The following LAMC3 variants were observed in gnomAD, a reference collection of about 807,000 sequenced individuals.
LAMC3 encodes the protein laminin subunit gamma-3.
In LAMC3, 128 loss-of-function variants were observed where a neutral mutation model predicts 173.8. The observed-to-expected ratio is 0.74, with a 90% CI of 0.64 to 0.85. The LOEUF (loss-of-function observed/expected upper bound fraction) is 0.85. Among genes scored for constraint, LAMC3 ranks in the 40% least tolerant of loss-of-function variants. LAMC3 has a pLI of 0.00. For synonymous variants in LAMC3, 897 were observed against 909.1 expected (o/e 0.99, Z 0.24); for missense variants, 2,022 against 2,156.0 (o/e 0.94, Z 1.23).
In LAMC3 at chr9:131,009,708, G is replaced by C. The variant is rs1833377557; in HGVS notation, c.373+121G>C. 1 of 1,209,008 alleles carries C rather than the reference G, an allele frequency of 8.3e-7. No individual in the cohort carries two copies. The highest frequency in any genetic ancestry group is 1.2e-6 in the Non-Finnish European group (1 of 866,388). The allele number at this position is 1,209,008 out of a possible 1,614,324, so 74.9% of individuals were successfully genotyped here. The stretch of plus-strand genomic sequence containing the variant: ...GCTGCAGGACCCAGATATGGTGTTG[G>C]ATGGAGGGGCTCAGAAATAGGAATT... On this transcript the variant is annotated intron_variant, in intron 1 of 27. Coordinates refer to ENST00000361069, the MANE Select transcript of LAMC3 (RefSeq NM_006059.4). The surrounding 1 kb of genome is among the most constrained non-coding windows in gnomAD (Gnocchi z 4.3).
chr9:131,029,357 G>A lies in LAMC3; in HGVS notation c.679-2688G>A, dbSNP rs1436096902. ...TCCAAAGCTCTGTAGATTAGAAAAC[G>A]TCACCCGAGGTCAGATGAAGACAGG... On this transcript the variant is annotated intron_variant, in intron 2 of 27. Transcript: ENST00000361069. The surrounding 1 kb of genome is among the most constrained non-coding windows in gnomAD (Gnocchi z 4.6). 2.0e-5 allele frequency among the ~76,000 whole-genome samples: 3 copies of A among 152,156 alleles called. No homozygotes were observed. Among genetic ancestry groups the A allele is most frequent in the South Asian group, 4.1e-4 (2 of 4,822 alleles).
At chr9:131,036,861 G>A (rs757197863) in intron 4 of LAMC3, among the ~76,000 whole-genome samples, 5 of 152,228 alleles carry the variant, frequency 3.3e-5, no homozygotes, top group Non-Finnish European at 5.9e-5. Context: ...TCTGGCTGGG[G>A]CACTGGCTGC....
rs1378814603 is a variant in LAMC3 at position 131,077,415 on chromosome 9, G to A, written c.3777+81G>A. ...CTGGAGGCTGGGCACGGTGGCTCAC[G>A]CCTGTAATCGCAGCACTTTGGGAGG... is the stretch of plus-strand genomic sequence containing the variant. On this transcript the variant is annotated intron_variant, in intron 22 of 27. Coordinates refer to ENST00000361069, the MANE Select transcript of LAMC3 (RefSeq NM_006059.4). 9.0e-6 allele frequency: 14 copies of A among 1,560,308 alleles called. No individual in the cohort carries two copies. In the East Asian group the frequency reaches 1.8e-4, roughly 20 times the overall value.
rs548260728 is a variant in LAMC3, at chr9:131,093,737, C to T, written c.*1950C>T. 1 of 152,384 alleles carries T rather than the reference C, an allele frequency of 6.6e-6. No individual in the cohort carries two copies. Among genetic ancestry groups the T allele is most frequent in the East Asian group, 1.9e-4 (1 of 5,190 alleles). 9.4% of individuals were successfully genotyped at this position (152,384 alleles called of 1,614,324 possible). A position where few individuals can be genotyped will look rare whatever the true frequency, so the allele number is the denominator to read the frequency against. ...AGGCTTCCGGGATAGGTTGGCTTCC[C>T]TCTTCCCCCCTCCCGCCTCTCTTCT... On this transcript the variant is annotated 3_prime_UTR_variant, in exon 28 of 28. Transcript: ENST00000361069.
At chr9:131,081,179 C>T (rs1179369760) in intron 23 of LAMC3, among the ~76,000 whole-genome samples, 1 of 152,242 alleles carries the variant, frequency 6.6e-6, no homozygotes, top group Non-Finnish European at 1.5e-5. Context: ...CAGGCTTCCT[C>T]CTGATGGCAT....
Position 131,085,730 on chromosome 9 carries a change from G to GAC in LAMC3, c.4230+7_4230+8insAC, listed in dbSNP as rs931169155. The stretch of plus-strand genomic sequence containing the variant: ...GGCCAAGGACAGTGCCAAGGTCAGG[G>GAC]TGGTGGCTGTGACAACAGTGGCCTC... On this transcript the variant is annotated splice_region_variant and intron_variant, in intron 25 of 27. Transcript: ENST00000361069. The GAC allele has an allele frequency of 2.5e-6, 4 of 1,613,944 alleles. No individual in the cohort carries two copies.
At chr9:131,042,171 G>A (rs999776612) in intron 7 of LAMC3, among the ~76,000 whole-genome samples, 4 of 150,452 alleles carry the variant, frequency 2.7e-5, no homozygotes, top group Admixed American at 6.6e-5. Flanking sequence ...CAGGCCTCCC[G>A]TTTCACACCC....
At chr9:131,077,811 A>G (rs747578810) in intron 22 of LAMC3, among the ~76,000 whole-genome samples, 1 of 151,126 alleles carries the variant, frequency 6.6e-6, no homozygotes, top group Non-Finnish European at 1.5e-5. Flanking sequence ...GATATAACCT[A>G]CCTATGGGGC....
intron 4 of LAMC3, among the ~76,000 whole-genome samples, chr9:131,038,452 G>C (rs983376290): frequency 2.0e-5 from 3 of 152,172 alleles, no homozygotes; most frequent in African/African-American, 2.4e-5. Flanking sequence ...TGTGCTTTCT[G>C]TACCCCTGAG....
At chr9:131,038,110 T>G (rs2133251493) in intron 4 of LAMC3, among the ~76,000 whole-genome samples, 1 of 152,324 alleles carries the variant, frequency 6.6e-6, no homozygotes. Context: ...TCCCGCCCCC[T>G]CTTCCTCTGC....
chr9:131,050,518 C>T (rs1206952467), intron 9 of LAMC3, among the ~76,000 whole-genome samples: 1 of 152,192 alleles, frequency 6.6e-6, no homozygotes, highest in Non-Finnish European at 1.5e-5. Context: ...AATCCCAGCA[C>T]TTTGGGAGGC....
chr9:131,071,184 C>A (rs1261320813), intron 17 of LAMC3, among the ~76,000 whole-genome samples: 1 of 152,214 alleles, frequency 6.6e-6, no homozygotes, highest in Non-Finnish European at 1.5e-5. Flanking sequence ...GCGAACAGGA[C>A]AGGCAGAAAT....
chr9:131,045,796 G>A (rs897283460), intron 8 of LAMC3, 136 bp downstream of exon 8: 2 of 1,146,076 alleles, frequency 1.7e-6, no homozygotes, highest in African/African-American at 3.0e-5. Context: ...CCTAGGTGGG[G>A]TCGGGGGTGA....
intron 1 of LAMC3, among the ~76,000 whole-genome samples, chr9:131,022,039 G>A (rs368321034): frequency 6.6e-6 from 1 of 152,268 alleles, no homozygotes; most frequent in African/African-American, 2.4e-5. Flanking sequence ...TGGGCGTAGG[G>A]TGGGACCCTC....
At chr9:131,025,950 G>C (rs1004194937) in intron 1 of LAMC3, among the ~76,000 whole-genome samples, 2 of 152,172 alleles carry the variant, frequency 1.3e-5, no homozygotes, top group Non-Finnish European at 2.9e-5. Context: ...GGTAGAGCAG[G>C]CTTTCTTAGA....
intron 3 of LAMC3, among the ~76,000 whole-genome samples, chr9:131,032,534 GT>G (rs1554784081): frequency 6.8e-5 from 4 of 58,852 alleles, no homozygotes; most frequent in Admixed American, 1.7e-4. Flanking sequence ...CTCTCTCGCT[GT>G]CTCTCTCTCT....
At chr9:131,040,661 C>G (rs1834033119) in intron 6 of LAMC3, among the ~76,000 whole-genome samples, 1 of 152,154 alleles carries the variant, frequency 6.6e-6, no homozygotes, top group Non-Finnish European at 1.5e-5. Context: ...CCTCTGTCCT[C>G]TGGACCTTTG....
chr9:131,060,896 C>T, intron 12 of LAMC3, 139 bp from the exon 13 acceptor site: 1 of 818,592 alleles, frequency 1.2e-6, no homozygotes. Context: ...ACCCTCAATC[C>T]CCAGGCCTTG....
At chr9:131,079,740 T>G (rs1409115404) in intron 23 of LAMC3, among the ~76,000 whole-genome samples, 3 of 151,852 alleles carry the variant, frequency 2.0e-5, no homozygotes, top group African/African-American at 7.3e-5. Flanking sequence ...CTCTGGTGCC[T>G]CCTGCAAAAC....
Sources: allele counts gnomAD v4.1 joint callset (sites outside exome capture counted in the v4.1 genomes callset), GRCh38; gene constraint gnomAD v4.1.1; non-coding constraint Gnocchi (gnomAD v3.1); transcripts MANE v1.5; gene names NCBI Gene and HGNC (gene_info 2026-07-23, HGNC 2026-07-21).